The following SUCLG2 variants were observed in gnomAD, a reference collection of about 807,000 sequenced individuals.
The protein encoded by SUCLG2 is succinate--CoA ligase [GDP-forming] subunit beta, mitochondrial.
In SUCLG2, 42 loss-of-function variants were observed where a neutral mutation model predicts 47.9. The observed-to-expected ratio is 0.88, with a 90% CI of 0.69 to 1.14. The LOEUF (loss-of-function observed/expected upper bound fraction) is 1.14, where lower values mean the gene tolerates loss of function less well. SUCLG2 is among the 50% of genes most tolerant of loss of function. SUCLG2 has a pLI of 0.00. For synonymous variants in SUCLG2, 195 were observed against 197.3 expected (o/e 0.99, Z 0.10); for missense variants, 571 against 525.9 (o/e 1.09, Z -0.84).
intron 2 of SUCLG2, among the ~76,000 whole-genome samples, chr3:67,566,588 T>TA (rs1261683519): frequency 1.3e-5 from 2 of 152,158 alleles, no homozygotes; most frequent in Non-Finnish European, 2.9e-5. Flanking sequence ...TCTTCTAAAG[T>TA]AAAAAACATA....
At chr3:67,534,120 T>C (rs1336997154) in intron 2 of SUCLG2, among the ~76,000 whole-genome samples, 1 of 152,164 alleles carries the variant, frequency 6.6e-6, no homozygotes, top group Non-Finnish European at 1.5e-5. Context: ...ACAAGGATTT[T>C]ATGATACAAA....
intron 9 of SUCLG2, among the ~76,000 whole-genome samples, chr3:67,430,028 T>G (rs1417807058): frequency 2.0e-5 from 3 of 152,026 alleles, no homozygotes; most frequent in African/African-American, 7.3e-5. Flanking sequence ...ACTATCAACA[T>G]TAGACAGATC....
intron 1 of SUCLG2, among the ~76,000 whole-genome samples, chr3:67,653,808 C>A (rs1247269684): frequency 1.3e-5 from 2 of 152,206 alleles, no homozygotes; most frequent in Non-Finnish European, 2.9e-5. Flanking sequence ...CTGCTAGAGG[C>A]CAAGTTCCAA....
intron 9 of SUCLG2, among the ~76,000 whole-genome samples, chr3:67,481,000 T>G (rs1486521313): frequency 4.7e-5 from 7 of 147,676 alleles, no homozygotes; most frequent in Admixed American, 1.4e-4. Context: ...CATCAAGATG[T>G]ACAATCACAT....
chr3:67,616,008 T>C (rs182679203), intron 1 of SUCLG2, among the ~76,000 whole-genome samples: 9 of 152,070 alleles, frequency 5.9e-5, no homozygotes, highest in Admixed American at 5.3e-4. Flanking sequence ...CAAGTAACCA[T>C]GTGTACCCCT....
chr3:67,400,945 C>A, intron 9 of SUCLG2, 94 bp from the exon 10 acceptor site: 2 of 1,543,750 alleles, frequency 1.3e-6, no homozygotes, highest in East Asian at 2.4e-5. Flanking sequence ...TAAAATAAGA[C>A]TGCTCGTTTT....
chr3:67,406,213 A>T (rs1448199158), intron 9 of SUCLG2, among the ~76,000 whole-genome samples: 1 of 152,198 alleles, frequency 6.6e-6, no homozygotes, highest in African/African-American at 2.4e-5. Flanking sequence ...CATGATCCTG[A>T]GTCCCCTTAA....
chr3:67,610,122 G>C (rs886256013), intron 1 of SUCLG2, among the ~76,000 whole-genome samples: 1 of 152,100 alleles, frequency 6.6e-6, no homozygotes, highest in African/African-American at 2.4e-5. Flanking sequence ...GTTAATCATT[G>C]TAAGGTTTTT....
At chr3:67,530,159 T>A (rs909429556) in intron 2 of SUCLG2, among the ~76,000 whole-genome samples, 1 of 152,198 alleles carries the variant, frequency 6.6e-6, no homozygotes, top group African/African-American at 2.4e-5. Flanking sequence ...GTATACCAGA[T>A]TTAGAATCTG....
At chr3:67,634,721 C>T (rs1575832863) in intron 1 of SUCLG2, among the ~76,000 whole-genome samples, 1 of 152,126 alleles carries the variant, frequency 6.6e-6, no homozygotes, top group Non-Finnish European at 1.5e-5. Context: ...TTTTCCCTGC[C>T]AAGTTCATGC....
chr3:67,469,063 C>G (rs1193604734), intron 9 of SUCLG2, among the ~76,000 whole-genome samples: 1 of 152,148 alleles, frequency 6.6e-6, no homozygotes, highest in Non-Finnish European at 1.5e-5. Context: ...AAGAACAGCT[C>G]AGTCGAAGTC....
intron 1 of SUCLG2, among the ~76,000 whole-genome samples, chr3:67,643,305 C>A (rs1701134981): frequency 6.6e-6 from 1 of 152,120 alleles, no homozygotes; most frequent in African/African-American, 2.4e-5. Flanking sequence ...AAATCATTAT[C>A]TTACTTGTTT....
chr3:67,382,603 G>GA (rs1306104068), intron 10 of SUCLG2, among the ~76,000 whole-genome samples: 10 of 152,094 alleles, frequency 6.6e-5, no homozygotes, highest in African/African-American at 1.7e-4. Flanking sequence ...TAGCTGGGAG[G>GA]AAAAAATCAC....
chr3:67,381,812 A>G (rs997743807), intron 10 of SUCLG2, among the ~76,000 whole-genome samples: 6 of 152,230 alleles, frequency 3.9e-5, no homozygotes, highest in African/African-American at 1.4e-4. Context: ...AACAATTATT[A>G]AAATGTTAAA....
In SUCLG2 at chr3:67,563,974, A is replaced by G. The variant is rs544643753; in HGVS notation, c.227-34788T>C. Among the ~76,000 whole-genome samples, 155 of 144,926 alleles carry G rather than the reference A, an allele frequency of 1.1e-3. 2 individuals carry two copies. Among genetic ancestry groups the G allele is most frequent in the East Asian group, 3.6e-3 (16 of 4,484 alleles). ...GACTCTGTCTCAAAAAAAAAAAAAA[A>G]AAAAGAAAAAAGAAAAAGAAAAGAA... On this transcript the variant is annotated intron_variant, in intron 2 of 10. Transcript: ENST00000307227.
intron 2 of SUCLG2, among the ~76,000 whole-genome samples, chr3:67,600,899 T>G (rs1440081824): frequency 6.6e-6 from 1 of 152,130 alleles, no homozygotes; most frequent in Non-Finnish European, 1.5e-5. Context: ...GATTTGTATG[T>G]GAATAGGAAA....
intron 9 of SUCLG2, among the ~76,000 whole-genome samples, chr3:67,467,453 G>A (rs73836528): frequency 0.023 from 3,564 of 152,208 alleles, 81 homozygotes; most frequent in African/African-American, 0.059. Context: ...CTGCCTTCAC[G>A]TGGAAAAAAG....
chr3:67,399,726 T>C (rs1043465535), intron 10 of SUCLG2, among the ~76,000 whole-genome samples: 22 of 152,296 alleles, frequency 1.4e-4, no homozygotes, highest in African/African-American at 5.3e-4. Flanking sequence ...TGGATAAAAC[T>C]CCCTTAATGT....
At chr3:67,639,546 G>A (rs1166038555) in intron 1 of SUCLG2, among the ~76,000 whole-genome samples, 1 of 151,584 alleles carries the variant, frequency 6.6e-6, no homozygotes, top group Non-Finnish European at 1.5e-5. Context: ...GCCCCGGCAG[G>A]TCTTTGTCTT....
Sources: allele counts gnomAD v4.1 joint callset (sites outside exome capture counted in the v4.1 genomes callset), GRCh38; gene constraint gnomAD v4.1.1; transcripts MANE v1.5; gene names NCBI Gene and HGNC (gene_info 2026-07-23, HGNC 2026-07-21).